ARHGEF28: variants seen among roughly 807,000 people sequenced by gnomAD.
The protein encoded by ARHGEF28 is Rho guanine nucleotide exchange factor 28.
ARHGEF28 carries 152 observed loss-of-function variants against 206.6 expected under a neutral mutation model. The ratio of observed to expected loss-of-function variants is 0.74; its 90% confidence interval spans 0.64 to 0.84. The LOEUF (loss-of-function observed/expected upper bound fraction) is 0.84, where lower values mean the gene tolerates loss of function less well. Ranked by LOEUF, ARHGEF28 falls within the 40% of genes least tolerant of loss-of-function variation. ARHGEF28 has a pLI of 0.00. For missense variants in ARHGEF28, 2,028 were observed against 2,073.2 expected (o/e 0.98, Z 0.42); for synonymous variants, 763 against 776.4 (o/e 0.98, Z 0.29).
chr5:73,938,160 C>CA (rs577912637), intron 35 of ARHGEF28, among the ~76,000 whole-genome samples: 1 of 139,548 alleles, frequency 7.2e-6, no homozygotes, highest in Non-Finnish European at 1.6e-5. Flanking sequence ...CTACACTACA[C>CA]CACACACACA....
intron 3 of ARHGEF28, among the ~76,000 whole-genome samples, chr5:73,752,487 G>T (rs56077675): frequency 0.021 from 3,142 of 152,256 alleles, 90 homozygotes; most frequent in African/African-American, 0.072. Flanking sequence ...ATTGTATGGT[G>T]CTATCTTATA....
chr5:73,832,257 T>G, intron 9 of ARHGEF28, 81 bp from the exon 10 acceptor site: 3 of 1,484,582 alleles, frequency 2.0e-6, no homozygotes, highest in Non-Finnish European at 2.7e-6. Flanking sequence ...ACTTTTTTTC[T>G]TATGGTCTAA....
intron 9 of ARHGEF28, among the ~76,000 whole-genome samples, chr5:73,828,936 TCA>T (rs1757114303): frequency 6.6e-6 from 1 of 152,052 alleles, no homozygotes; most frequent in South Asian, 2.1e-4. Flanking sequence ...TCCTCTCACT[TCA>T]GCTTCCTGAG....
At position 73,889,451 on chromosome 5, in the gene ARHGEF28, G is replaced by T. The variant is rs193065391; in HGVS notation, c.3387+1772G>T. 1.6e-3 allele frequency among the ~76,000 whole-genome samples: 242 copies of T among 152,360 alleles called. 1 individual carries two copies. Among genetic ancestry groups the T allele is most frequent in the African/African-American group, 5.5e-3 (227 of 41,582 alleles). Reference sequence around the variant, plus strand: ...AAATGTGTTAAGAAAAAGTAGATGTGTTCACTAAGTCTTAGAATACTGAGT... The same window carrying T: ...AAATGTGTTAAGAAAAAGTAGATGTTTTCACTAAGTCTTAGAATACTGAGT... On this transcript the variant is annotated intron_variant, in intron 26 of 35. Transcript: ENST00000513042.
At chr5:73,753,932 G>A (rs370656946) in intron 4 of ARHGEF28, among the ~76,000 whole-genome samples, 6 of 152,176 alleles carry the variant, frequency 3.9e-5, no homozygotes, top group East Asian at 3.9e-4. Flanking sequence ...GTCTCCCAAA[G>A]TGCTGGGATT....
At chr5:73,838,195 G>A (rs1410126404) in intron 10 of ARHGEF28, among the ~76,000 whole-genome samples, 2 of 152,154 alleles carry the variant, frequency 1.3e-5, no homozygotes, top group Non-Finnish European at 2.9e-5. Context: ...GTTGTGCATT[G>A]TAAACTGAGA....
At position 73,887,674 on chromosome 5, in the gene ARHGEF28, G is replaced by A; in HGVS notation, c.3382G>A (p.Ala1128Thr). 6.4e-7 allele frequency: 1 copy of A among 1,566,392 alleles called. No homozygotes were observed. Among genetic ancestry groups the A allele is most frequent in the South Asian group, 1.2e-5 (1 of 85,060 alleles). ...AAAAGACCAGAAATACATCTTTGCA[G>A]CCGTTGTAAGTATATGACTGTGTGA... is the stretch of plus-strand genomic sequence containing the variant. ...QEKDQKYIFA[A>T]VDQKPSVISL... is the part of the protein sequence containing the mutation. The change falls in exon 26 of 36, where the codon GCC (alanine) becomes ACC (threonine). Residue 1128 changes from alanine (A) to threonine (T), a missense_variant. Ala to Thr is a moderately conservative substitution (Grantham distance 58, BLOSUM62 0). Coordinates refer to ENST00000513042, the MANE Select transcript of ARHGEF28 (RefSeq NM_001177693.2).
At position 73,940,878 on chromosome 5, in the gene ARHGEF28, C is replaced by G; in HGVS notation, c.4983C>G (p.Pro1661=). 3.3e-6 allele frequency: 5 copies of G among 1,530,976 alleles called. No homozygotes were observed. The highest frequency in any genetic ancestry group is 4.4e-6 in the Non-Finnish European group (5 of 1,145,482). 94.8% of individuals were successfully genotyped at this position (1,530,976 alleles called of 1,614,324 possible). ...CCTCCCACACTGAGTCCCCAACCCC[C>G]CATGACTCAAATTCACACCGCCCTC... ...LDTSHTESPT[P]HDSNSHRPQL... The change falls in exon 36 of 36, where the codon CCC becomes CCG. Residue 1661 remains proline (P), a synonymous_variant. Coordinates refer to ENST00000513042, the MANE Select transcript of ARHGEF28 (RefSeq NM_001177693.2).
intron 35 of ARHGEF28, among the ~76,000 whole-genome samples, chr5:73,927,251 C>T (rs191846814): frequency 5.9e-4 from 89 of 152,054 alleles, no homozygotes; most frequent in African/African-American, 1.8e-3. Context: ...GCGGAGTGCA[C>T]CTATAGTCTT....
chr5:73,628,790 C>T (rs1396916719), intron 1 of ARHGEF28, among the ~76,000 whole-genome samples: 1 of 152,208 alleles, frequency 6.6e-6, no homozygotes, highest in Non-Finnish European at 1.5e-5. Context: ...TCTACTTAGG[C>T]AAAGCTGGGC....
intron 31 of ARHGEF28, chr5:73,902,119 A>G (rs1441489039): frequency 6.6e-6 from 1 of 152,170 alleles, no homozygotes; most frequent in African/African-American, 2.4e-5. Context: ...TACATATTAT[A>G]TACTTTTTGT....
At chr5:73,926,784 C>A (rs1359108696) in intron 35 of ARHGEF28, among the ~76,000 whole-genome samples, 2 of 152,192 alleles carry the variant, frequency 1.3e-5, no homozygotes, top group African/African-American at 4.8e-5. Flanking sequence ...TGTTCATTAG[C>A]CACTTAGCAG....
intron 35 of ARHGEF28, among the ~76,000 whole-genome samples, chr5:73,939,928 G>C (rs540530152): frequency 1.3e-5 from 2 of 152,080 alleles, no homozygotes; most frequent in South Asian, 4.2e-4. Context: ...TTTGTAGTAG[G>C]TGTATGTGGC....
chr5:73,641,293 GTTTCAGGGTCCCCAAGC>G (rs1319948699), intron 1 of ARHGEF28, among the ~76,000 whole-genome samples: 1 of 152,090 alleles, frequency 6.6e-6, no homozygotes, highest in Non-Finnish European at 1.5e-5. Flanking sequence ...AGGAAAGACA[GTTTCAGGGTCCCCAAGC>G]ATTAGTCTCT....
intron 1 of ARHGEF28, among the ~76,000 whole-genome samples, chr5:73,632,190 C>T (rs1022303849): frequency 2.6e-5 from 4 of 152,066 alleles, no homozygotes; most frequent in Admixed American, 1.3e-4. Flanking sequence ...ATGTGGATTG[C>T]GTTGGAAAAC....
Position 73,911,522 on chromosome 5 carries a change from C to T in ARHGEF28, c.4895C>T (p.Ser1632Phe). 6.2e-7 allele frequency: 1 copy of T among 1,613,056 alleles called. No homozygotes were observed. Among genetic ancestry groups the T allele is most frequent in the Non-Finnish European group, 8.5e-7 (1 of 1,179,456 alleles). The change falls in exon 35 of 36, where the codon TCC (serine) becomes TTC (phenylalanine). Residue 1632 changes from serine (S) to phenylalanine (F), a missense_variant. Coordinates refer to ENST00000513042, the MANE Select transcript of ARHGEF28 (RefSeq NM_001177693.2). ...CACAAACTGTGGACAGCCGCTGGTTCCGGCCATCAGATACTTCCTTTCCAT... is the reference window on the plus strand; with the variant it reads ...CACAAACTGTGGACAGCCGCTGGTTTCGGCCATCAGATACTTCCTTTCCAT... ...VSHKLWTAAG[S>F]GHQILPFHES...
chr5:73,713,439 A>C (rs1749373154), intron 2 of ARHGEF28, among the ~76,000 whole-genome samples: 1 of 152,182 alleles, frequency 6.6e-6, no homozygotes, highest in Non-Finnish European at 1.5e-5. Context: ...GTCACAACTT[A>C]CCTTTACCTG....
At chr5:73,735,687 G>T (rs771718703) in intron 2 of ARHGEF28, among the ~76,000 whole-genome samples, 2 of 152,152 alleles carry the variant, frequency 1.3e-5, no homozygotes, top group Non-Finnish European at 1.5e-5. Flanking sequence ...AAATCTGATT[G>T]TGTTACTCCC....
chr5:73,814,401 G>T (rs1756050073), intron 9 of ARHGEF28, among the ~76,000 whole-genome samples: 1 of 151,980 alleles, frequency 6.6e-6, no homozygotes, highest in African/African-American at 2.4e-5. Context: ...TGTAGTGTGG[G>T]CCATGGAAAC....
Sources: gnomAD v4.1 joint callset for allele counts (sites outside exome capture counted in the v4.1 genomes callset) on GRCh38, gnomAD v4.1.1 for gene constraint, MANE v1.5 for transcripts, NCBI Gene and HGNC (gene_info 2026-07-23, HGNC 2026-07-21) for gene names.